The following NKAIN2 variants were observed in gnomAD, a reference collection of about 807,000 sequenced individuals.
The protein encoded by NKAIN2 is sodium/potassium transporting ATPase interacting 2.
A neutral mutation model predicts 32.6 loss-of-function variants in NKAIN2; 14 were observed. The observed-to-expected ratio is 0.43, with a 90% confidence interval of 0.28 to 0.67. NKAIN2 has a LOEUF of 0.67. Among genes scored for constraint, NKAIN2 ranks in the 30% least tolerant of loss-of-function variants. The pLI, the probability that NKAIN2 is intolerant of heterozygous loss-of-function variation, is 0.17. For synonymous variants in NKAIN2, 80 were observed against 87.2 expected (o/e 0.92, Z 0.46); for missense variants, 198 against 258.3 (o/e 0.77, Z 1.60).
chr6:124,547,326 A>G (rs1780129951), intron 3 of NKAIN2, among the ~76,000 whole-genome samples: 1 of 152,192 alleles, frequency 6.6e-6, no homozygotes, highest in South Asian at 2.1e-4. Context: ...CAGTTCAAGT[A>G]AAATAGAAAG....
intron 1 of NKAIN2, among the ~76,000 whole-genome samples, chr6:124,044,614 C>T (rs1260973618): frequency 6.6e-6 from 1 of 152,080 alleles, no homozygotes; most frequent in Non-Finnish European, 1.5e-5. Flanking sequence ...TCAATGTACA[C>T]TGTTGAGCCC....
chr6:124,014,219 A>G (rs1780466469), intron 1 of NKAIN2, among the ~76,000 whole-genome samples: 2 of 152,200 alleles, frequency 1.3e-5, no homozygotes, highest in Non-Finnish European at 1.5e-5. Context: ...AATAAAAAAG[A>G]TAAAAACTTA....
intron 3 of NKAIN2, among the ~76,000 whole-genome samples, chr6:124,631,788 C>T (rs1004601366): frequency 1.3e-5 from 2 of 152,162 alleles, no homozygotes; most frequent in African/African-American, 4.8e-5. Context: ...GACAGTCCAA[C>T]ATAAATGCTC....
intron 3 of NKAIN2, among the ~76,000 whole-genome samples, chr6:124,560,012 A>G (rs115754479): frequency 0.015 from 2,228 of 152,012 alleles, 55 homozygotes; most frequent in African/African-American, 0.051. Flanking sequence ...AGGTCAAAAT[A>G]TGAGATTAGT....
chr6:123,833,682 T>A (rs1181554845), intron 1 of NKAIN2, among the ~76,000 whole-genome samples: 2 of 142,954 alleles, frequency 1.4e-5, no homozygotes, highest in East Asian at 4.2e-4. Flanking sequence ...CAAAAGGTAA[T>A]TTTTTTTCCT....
In NKAIN2 at chr6:124,697,846, A is replaced by G. The variant is rs373461850; in HGVS notation, c.474+39460A>G. 7.5e-4 allele frequency among the ~76,000 whole-genome samples: 114 copies of G among 152,248 alleles called. 1 individual carries two copies. The South Asian group carries it at 0.022, about 29-fold the overall frequency. Reference sequence around the variant, plus strand: ...ATTTAGTCCTGCCGCTAAAACTCCTATATCTTACACACTGGCACCACATAG... The same window carrying G: ...ATTTAGTCCTGCCGCTAAAACTCCTGTATCTTACACACTGGCACCACATAG... On this transcript the variant is annotated intron_variant, in intron 4 of 6. Transcript: ENST00000368417.
chr6:124,298,938 A>G, intron 2 of NKAIN2, among the ~76,000 whole-genome samples: 1 of 152,246 alleles, frequency 6.6e-6, no homozygotes, highest in East Asian at 1.9e-4. Flanking sequence ...CATGTGTGGC[A>G]GCTTGTGGAT....
At chr6:124,048,374 A>C (rs1019907305) in intron 1 of NKAIN2, among the ~76,000 whole-genome samples, 1 of 151,998 alleles carries the variant, frequency 6.6e-6, no homozygotes, top group Non-Finnish European at 1.5e-5. Context: ...AGGGTGGCTG[A>C]GATGGTTTCA....
chr6:124,590,513 G>A (rs641090), intron 3 of NKAIN2, among the ~76,000 whole-genome samples: 144,570 of 152,254 alleles, frequency 0.95, 69,112 homozygotes, highest in East Asian at 1. Context: ...GCGTTGAAAC[G>A]GGAACATGAG....
At chr6:124,107,758 C>G (rs914545303) in intron 1 of NKAIN2, among the ~76,000 whole-genome samples, 1 of 152,110 alleles carries the variant, frequency 6.6e-6, no homozygotes, top group Non-Finnish European at 1.5e-5. Context: ...AGGAGTTTTA[C>G]TATTTTAGAT....
At chr6:124,706,341 A>C (rs1775062090) in intron 4 of NKAIN2, among the ~76,000 whole-genome samples, 1 of 152,172 alleles carries the variant, frequency 6.6e-6, no homozygotes, top group Admixed American at 6.5e-5. Context: ...ATTACTCCTA[A>C]TAAATGAGAA....
At chr6:124,670,719 C>G (rs558539466) in intron 4 of NKAIN2, among the ~76,000 whole-genome samples, 7 of 150,304 alleles carry the variant, frequency 4.7e-5, no homozygotes, top group African/African-American at 1.7e-4. Flanking sequence ...CATATGCTTA[C>G]AGATGTTAAT....
At chr6:123,976,375 A>G (rs1778621213) in intron 1 of NKAIN2, among the ~76,000 whole-genome samples, 1 of 18,840 alleles carries the variant, frequency 5.3e-5, no homozygotes, top group Non-Finnish European at 1.1e-4. Flanking sequence ...ATATTCCCAT[A>G]TATATATATA....
intron 1 of NKAIN2, among the ~76,000 whole-genome samples, chr6:124,098,530 A>G (rs555361076): frequency 6.6e-6 from 1 of 152,304 alleles, no homozygotes; most frequent in South Asian, 2.1e-4. Flanking sequence ...TGTAACAAAT[A>G]GTAGTCCAAT....
At chr6:124,336,079 C>T (rs1319965187) in intron 2 of NKAIN2, among the ~76,000 whole-genome samples, 2 of 152,088 alleles carry the variant, frequency 1.3e-5, no homozygotes, top group Non-Finnish European at 2.9e-5. Context: ...ACCAATAATT[C>T]ACTTTTACAT....
chr6:124,272,318 C>G (rs920817365), intron 1 of NKAIN2, among the ~76,000 whole-genome samples: 1 of 152,300 alleles, frequency 6.6e-6, no homozygotes, highest in Middle Eastern at 3.4e-3. Context: ...CACTTGGTGT[C>G]CTGCATCCCA....
chr6:123,884,100 C>T (rs545872368), intron 1 of NKAIN2, among the ~76,000 whole-genome samples: 7 of 152,036 alleles, frequency 4.6e-5, no homozygotes, highest in Non-Finnish European at 1.0e-4. Context: ...TCCTGATCCT[C>T]TCCCTCCTCC....
chr6:123,826,290 G>C (rs1232513935), intron 1 of NKAIN2, among the ~76,000 whole-genome samples: 2 of 152,066 alleles, frequency 1.3e-5, no homozygotes, highest in East Asian at 3.8e-4. Context: ...GGGTTTTTTA[G>C]TTCTATTTTT....
At chr6:124,234,307 C>A (rs1792625393) in intron 1 of NKAIN2, among the ~76,000 whole-genome samples, 1 of 152,098 alleles carries the variant, frequency 6.6e-6, no homozygotes, top group Admixed American at 6.6e-5. Flanking sequence ...GGAAAATAAT[C>A]TAATTCAACA....
Sources: allele counts gnomAD v4.1 joint callset (sites outside exome capture counted in the v4.1 genomes callset), GRCh38; gene constraint gnomAD v4.1.1; transcripts MANE v1.5; gene names NCBI Gene and HGNC (gene_info 2026-07-23, HGNC 2026-07-21).